The following FEZF2 variants were observed in gnomAD, a reference collection of about 807,000 sequenced individuals.
The protein encoded by FEZF2 is fez family zinc finger protein 2.
FEZF2 carries 2 observed loss-of-function variants against 32.8 expected under a neutral mutation model. The observed-to-expected ratio is 0.06, with a 90% CI of 0.02 to 0.19. FEZF2 has a LOEUF of 0.19. Among genes scored for constraint, FEZF2 ranks in the 10% least tolerant of loss-of-function variants. FEZF2 has a pLI of 1.00. For synonymous variants in FEZF2, 322 were observed against 284.8 expected (o/e 1.13, Z -1.32); for missense variants, 516 against 625.4 (o/e 0.83, Z 1.87).
intron 2 of FEZF2, 60 bp from the exon 3 acceptor site, chr3:62,371,727 G>T: frequency 1.9e-6 from 3 of 1,551,378 alleles, no homozygotes; most frequent in Non-Finnish European, 2.6e-6. Flanking sequence ...AATCAGCCCC[G>T]GGGGGGCCAC....
Position 62,372,255 on chromosome 3 carries a change from G to T in FEZF2, c.614C>A (p.Ala205Asp). Residue 205 changes from alanine to aspartate, a missense_variant, in exon 2 of 5, where the codon GCT becomes GAT. Ala to Asp is a moderately radical substitution (Grantham distance 126, BLOSUM62 -2). This residue lies in a region of FEZF2 where 408 missense variants were observed against 382.2 expected (regional missense o/e 1.07). Coordinates refer to ENST00000283268, the MANE Select transcript of FEZF2 (RefSeq NM_018008.4). This position sits in a 1 kb window ranked among gnomAD's most constrained non-coding sequence, Gnocchi z 9.6. ...LLNAQAPAALAAHPKLFLLEN... is the reference protein window; with the variant it reads ...LLNAQAPAALDAHPKLFLLEN... ...CAGCAGAAAGAGCTTGGGGTGAGCA[G>T]CCAGGGCGGCGGGGGCCTGCGCATT... The T allele has an allele frequency of 6.3e-7, 1 of 1,584,320 alleles. No individual in the cohort carries two copies.
In FEZF2 at chr3:62,372,294, G is replaced by T. The variant is rs1228715287; in HGVS notation, c.575C>A (p.Pro192Gln). 6.2e-7 allele frequency: 1 copy of T among 1,604,750 alleles called. No individual in the cohort carries two copies. The highest frequency in any genetic ancestry group is 1.7e-5 in the Admixed American group (1 of 59,090). Reference sequence around the variant, plus strand: ...GGCCTGCGCATTGAGGAGGCCAGACGGGAAGAGGTGGCCGCTGAGGAGCTC... The same window carrying T: ...GGCCTGCGCATTGAGGAGGCCAGACTGGAAGAGGTGGCCGCTGAGGAGCTC... ...PSELLSGHLF[P>Q]SGLLNAQAPA... The change falls in exon 2 of 5, where the codon CCG becomes CAG. Residue 192 changes from proline (P) to glutamine (Q), a missense_variant. Pro to Gln is a moderately conservative substitution (Grantham distance 76). Around this residue, in one of 3 missense-constraint regions of FEZF2, gnomAD observed 408 missense variants for 382.2 expected, o/e 1.07. Transcript: ENST00000283268. This position sits in a 1 kb window ranked among gnomAD's most constrained non-coding sequence, Gnocchi z 9.6.
Position 62,370,479 on chromosome 3 carries a change from TGAA to T in FEZF2, c.1121-140_1121-138del. The T allele has an allele frequency of 1.2e-6, 1 of 847,142 alleles. No homozygotes were observed. Among genetic ancestry groups the T allele is most frequent in the Non-Finnish European group, 1.9e-6 (1 of 538,788 alleles). 52.5% of individuals were successfully genotyped at this position (847,142 alleles called of 1,614,324 possible). Reference sequence around the variant, plus strand: ...GCTAGGCGGGCGCGACCTCTTCGAGTGAAGAAGTTGTCAAACTTCGTAAGCGTC... The same window carrying T: ...GCTAGGCGGGCGCGACCTCTTCGAGTGAAGTTGTCAAACTTCGTAAGCGTC... On this transcript the variant is annotated intron_variant, in intron 4 of 4. Coordinates refer to ENST00000283268, the MANE Select transcript of FEZF2 (RefSeq NM_018008.4). This position sits in a 1 kb window ranked among gnomAD's most constrained non-coding sequence, Gnocchi z 4.2.
rs1429930107 is a variant in FEZF2, at chr3:62,369,796, A to G, written c.*287T>C. 1 of 382,342 alleles carries G rather than the reference A, an allele frequency of 2.6e-6. No individual in the cohort carries two copies. Among genetic ancestry groups the G allele is most frequent in the African/African-American group, 2.0e-5 (1 of 49,314 alleles). 23.7% of individuals were successfully genotyped at this position (382,342 alleles called of 1,614,324 possible). On this transcript the variant is annotated 3_prime_UTR_variant, in exon 5 of 5. Coordinates refer to ENST00000283268, the MANE Select transcript of FEZF2 (RefSeq NM_018008.4). This position sits in a 1 kb window ranked among gnomAD's most constrained non-coding sequence, Gnocchi z 4.2. The stretch of plus-strand genomic sequence containing the variant: ...GCTCTTCTGGGGCGCTCACGGTGAC[A>G]GGCTGGGGTTAAAACTGGCTGCCCC...
In FEZF2 at chr3:62,372,335, G is replaced by A; in HGVS notation, c.534C>T (p.Thr178=). Residue 178 remains threonine, a synonymous_variant, in exon 2 of 5, where the codon ACC becomes ACT. Transcript: ENST00000283268. This position sits in a 1 kb window ranked among gnomAD's most constrained non-coding sequence, Gnocchi z 9.6. ...TGAGGAGCTCAGACGGCGGGTACGC[G>A]GTCGAGTCCAGGTAGTTGAAGTAGT... ...SLYYFNYLDS[T]AYPPSELLSG... is the part of the protein sequence containing the mutation. 2 of 1,610,332 alleles carry A rather than the reference G, an allele frequency of 1.2e-6. No individual in the cohort carries two copies. The highest frequency in any genetic ancestry group is 1.3e-5 in the African/African-American group (1 of 75,038).
At position 62,372,524 on chromosome 3, in the gene FEZF2, GCCGCCGCCGCCGCCA is replaced by G. The variant is rs752755859; in HGVS notation, c.330_344del (p.Gly113_Gly117del). The G allele has an allele frequency of 1.4e-3, 1,778 of 1,260,506 alleles. 131 individuals are homozygous for G. The highest frequency in any genetic ancestry group is 2.6e-3 in the South Asian group (76 of 28,990). The allele number at this position is 1,260,506 out of a possible 1,614,324, so 78.1% of individuals were successfully genotyped here. A position where few individuals can be genotyped will look rare whatever the true frequency, so the allele number is the denominator to read the frequency against. On this transcript the variant is annotated inframe_deletion, in exon 2 of 5. Coordinates refer to ENST00000283268, the MANE Select transcript of FEZF2 (RefSeq NM_018008.4). This position sits in a 1 kb window ranked among gnomAD's most constrained non-coding sequence, Gnocchi z 9.6. ...TGGCGCCGCACACTGGGGCCCCCCC[GCCGCCGCCGCCGCCA>G]CCGCCGCCGCCGCCTCCGCCGCCGC...
Position 62,371,106 on chromosome 3 carries a change from G to A in FEZF2, c.1120+111C>T, listed in dbSNP as rs1576275183. 1.2e-5 allele frequency: 18 copies of A among 1,496,700 alleles called. No homozygotes were observed. In the South Asian group the frequency reaches 1.8e-4, roughly 15 times the overall value. 92.7% of individuals were successfully genotyped at this position (1,496,700 alleles called of 1,614,324 possible). A position where few individuals can be genotyped will look rare whatever the true frequency, so the allele number is the denominator to read the frequency against. On this transcript the variant is annotated intron_variant, in intron 4 of 4. Coordinates refer to ENST00000283268, the MANE Select transcript of FEZF2 (RefSeq NM_018008.4). Reference sequence around the variant, plus strand: ...GATTCTAAAGAAATGCTGCGCCCGCGCCTGCAGATTTCGCCTTCTCTCTCC... The same window carrying A: ...GATTCTAAAGAAATGCTGCGCCCGCACCTGCAGATTTCGCCTTCTCTCTCC...
chr3:62,370,003 T>G lies in FEZF2; in HGVS notation c.*80A>C. The G allele has an allele frequency of 1.4e-6, 2 of 1,459,398 alleles. No homozygotes were observed. Among genetic ancestry groups the G allele is most frequent in the Non-Finnish European group, 1.8e-6 (2 of 1,094,460 alleles). The allele number at this position is 1,459,398 out of a possible 1,614,324, so 90.4% of individuals were successfully genotyped here. ...CCTCTCTGCTATAGTTTTTTTTTCTTTTAATTTTAGAAATAAGTTTATATG... is the reference window on the plus strand; with the variant it reads ...CCTCTCTGCTATAGTTTTTTTTTCTGTTAATTTTAGAAATAAGTTTATATG... On this transcript the variant is annotated 3_prime_UTR_variant, in exon 5 of 5. Transcript: ENST00000283268. The surrounding 1 kb of genome is among the most constrained non-coding windows in gnomAD (Gnocchi z 4.2).
At position 62,372,280 on chromosome 3, in the gene FEZF2, T is replaced by G; in HGVS notation, c.589A>C (p.Asn197His). 1.3e-6 allele frequency: 2 copies of G among 1,598,988 alleles called. No homozygotes were observed. The highest frequency in any genetic ancestry group is 1.7e-6 in the Non-Finnish European group (2 of 1,173,280). Residue 197 changes from asparagine (N) to histidine (H), a missense_variant, in exon 2 of 5, where the codon AAT becomes CAT. Physicochemically the swap from Asn to His is moderately conservative, Grantham distance 68. Transcript: ENST00000283268. The surrounding 1 kb of genome is among the most constrained non-coding windows in gnomAD (Gnocchi z 9.6). ...GCCAGGGCGGCGGGGGCCTGCGCAT[T>G]GAGGAGGCCAGACGGGAAGAGGTGG... Reference protein sequence around the residue: ...SGHLFPSGLLNAQAPAALAAH... With the variant: ...SGHLFPSGLLHAQAPAALAAH...
chr3:62,371,844 A>G (rs936547548), intron 2 of FEZF2, among the ~76,000 whole-genome samples, 173 bp downstream of exon 2: 1 of 152,246 alleles, frequency 6.6e-6, no homozygotes, highest in Admixed American at 6.5e-5. Flanking sequence ...GCCGCTGACA[A>G]GGGCATCCCC....
Position 62,372,100 on chromosome 3 carries a change from C to G in FEZF2, c.769G>C (p.Gly257Arg). Residue 257 changes from glycine to arginine, a missense_variant, in exon 2 of 5, where the codon GGA becomes CGA. Gly to Arg is a moderately radical substitution (Grantham distance 125). Transcript: ENST00000283268. The surrounding 1 kb of genome is among the most constrained non-coding windows in gnomAD (Gnocchi z 9.6). ...AGCTTGCTGTGGCCCTTGACGCCTCCGCGCTCGGCAGTCAGGGCCGAGTTT... is the reference window on the plus strand; with the variant it reads ...AGCTTGCTGTGGCCCTTGACGCCTCGGCGCTCGGCAGTCAGGGCCGAGTTT... ...KENSALTAER[G>R]GVKGHSKLPG... 1 of 1,605,692 alleles carries G rather than the reference C, an allele frequency of 6.2e-7. No homozygotes were observed. The highest frequency in any genetic ancestry group is 8.5e-7 in the Non-Finnish European group (1 of 1,176,852).
intron 4 of FEZF2, among the ~76,000 whole-genome samples, chr3:62,371,004 C>G (rs1431803050): frequency 1.3e-5 from 2 of 152,228 alleles, no homozygotes; most frequent in African/African-American, 4.8e-5. Context: ...TTCGGAGTCT[C>G]TCAGTGCACC....
Position 62,372,532 on chromosome 3 carries a change from C to A in FEZF2, c.337G>T (p.Gly113Cys). 7.7e-7 allele frequency: 1 copy of A among 1,304,360 alleles called. No homozygotes were observed. Among genetic ancestry groups the A allele is most frequent in the Non-Finnish European group, 9.7e-7 (1 of 1,026,852 alleles). The allele number at this position is 1,304,360 out of a possible 1,614,324, so 80.8% of individuals were successfully genotyped here. A position where few individuals can be genotyped will look rare whatever the true frequency, so the allele number is the denominator to read the frequency against. The change falls in exon 2 of 5, where the codon GGC becomes TGC. Residue 113 changes from glycine to cysteine, a missense_variant. By Grantham distance (159) the Gly-to-Cys change is radical. Transcript: ENST00000283268. This position sits in a 1 kb window ranked among gnomAD's most constrained non-coding sequence, Gnocchi z 9.6. ...CACACTGGGGCCCCCCCGCCGCCGC[C>A]GCCGCCACCGCCGCCGCCGCCTCCG... Reference protein sequence around the residue: ...GGGGGGGGGGGGGGGAPVCGA... With the variant: ...GGGGGGGGGGCGGGGAPVCGA...
chr3:62,369,991 G>T lies in FEZF2; in HGVS notation c.*92C>A. The T allele has an allele frequency of 7.4e-7, 1 of 1,342,882 alleles. No individual in the cohort carries two copies. Among genetic ancestry groups the T allele is most frequent in the Non-Finnish European group, 1.0e-6 (1 of 1,002,816 alleles). 83.2% of individuals were successfully genotyped at this position (1,342,882 alleles called of 1,614,324 possible). A position where few individuals can be genotyped will look rare whatever the true frequency, so the allele number is the denominator to read the frequency against. On this transcript the variant is annotated 3_prime_UTR_variant, in exon 5 of 5. Transcript: ENST00000283268. The surrounding 1 kb of genome is among the most constrained non-coding windows in gnomAD (Gnocchi z 4.2). ...AATAGATTTTAGCCTCTCTGCTATA[G>T]TTTTTTTTTCTTTTAATTTTAGAAA... is the stretch of plus-strand genomic sequence containing the variant.
Position 62,371,514 on chromosome 3 carries a change from C to A in FEZF2, c.987+19G>T, listed in dbSNP as rs1453965305. On this transcript the variant is annotated intron_variant, in intron 3 of 4. Coordinates refer to ENST00000283268, the MANE Select transcript of FEZF2 (RefSeq NM_018008.4). ...CTGGGGGTTGCGCGCGGGCTAGGCCCGACCCGGGGGCCACGTACCTGGGTG... is the reference window on the plus strand; with the variant it reads ...CTGGGGGTTGCGCGCGGGCTAGGCCAGACCCGGGGGCCACGTACCTGGGTG... 13 of 1,604,792 alleles carry A rather than the reference C, an allele frequency of 8.1e-6. No individual in the cohort carries two copies. The highest frequency in any genetic ancestry group is 1.7e-4 in the Middle Eastern group (1 of 6,016).
In FEZF2 at chr3:62,372,151, C is replaced by G; in HGVS notation, c.718G>C (p.Ala240Pro). 6.3e-7 allele frequency: 1 copy of G among 1,590,458 alleles called. No individual in the cohort carries two copies. Among genetic ancestry groups the G allele is most frequent in the Non-Finnish European group, 8.6e-7 (1 of 1,167,816 alleles). ...APYPHKERLPAPLEQVLKENS... is the reference protein window; with the variant it reads ...APYPHKERLPPPLEQVLKENS... ...TCCTTCAGTACCTGCTCCAGCGGCG[C>G]CGGCAAGCGCTCCTTATGGGGATAG... is the stretch of plus-strand genomic sequence containing the variant. Residue 240 changes from alanine to proline, a missense_variant, in exon 2 of 5, where the codon GCG becomes CCG. Around this residue, in one of 3 missense-constraint regions of FEZF2, gnomAD observed 408 missense variants for 382.2 expected, o/e 1.07. Transcript: ENST00000283268. This position sits in a 1 kb window ranked among gnomAD's most constrained non-coding sequence, Gnocchi z 9.6.
In FEZF2 at chr3:62,372,338, C is replaced by A. The variant is rs1028239809; in HGVS notation, c.531G>T (p.Ser177=). The A allele has an allele frequency of 1.2e-6, 2 of 1,610,272 alleles. No individual in the cohort carries two copies. The highest frequency in any genetic ancestry group is 1.7e-6 in the Non-Finnish European group (2 of 1,179,536). The change falls in exon 2 of 5, where the codon TCG becomes TCT. Residue 177 remains serine, a synonymous_variant. Transcript: ENST00000283268. This position sits in a 1 kb window ranked among gnomAD's most constrained non-coding sequence, Gnocchi z 9.6. Reference sequence around the variant, plus strand: ...GGAGCTCAGACGGCGGGTACGCGGTCGAGTCCAGGTAGTTGAAGTAGTAGA... The same window carrying A: ...GGAGCTCAGACGGCGGGTACGCGGTAGAGTCCAGGTAGTTGAAGTAGTAGA... ...GSLYYFNYLD[S]TAYPPSELLS...
At chr3:62,371,126 C>T in intron 4 of FEZF2, 91 bp downstream of exon 4, 9 of 1,592,590 alleles carry the variant, frequency 5.7e-6, no homozygotes, top group Non-Finnish European at 7.7e-6. Flanking sequence ...TTCGCCTTCT[C>T]TCTCCAGATC....
chr3:62,369,836 CCT>C lies in FEZF2; in HGVS notation c.*245_*246del, dbSNP rs1559834635. 1 of 465,506 alleles carries C rather than the reference CCT, an allele frequency of 2.1e-6. No homozygotes were observed. Among genetic ancestry groups the C allele is most frequent in the African/African-American group, 2.0e-5 (1 of 51,274 alleles). The allele number at this position is 465,506 out of a possible 1,614,324, so 28.8% of individuals were successfully genotyped here. ...CTGGCTGCCCCAGGAGAAGCGGAGG[CCT>C]GGAATTAAATACGTTTCGGCGCACT... On this transcript the variant is annotated 3_prime_UTR_variant, in exon 5 of 5. Transcript: ENST00000283268. This position sits in a 1 kb window ranked among gnomAD's most constrained non-coding sequence, Gnocchi z 4.2.
Sources: allele counts gnomAD v4.1 joint callset (sites outside exome capture counted in the v4.1 genomes callset), GRCh38; gene constraint gnomAD v4.1.1; regional missense constraint gnomAD v4.1.1; non-coding constraint Gnocchi (gnomAD v3.1); transcripts MANE v1.5; gene names NCBI Gene and HGNC (gene_info 2026-07-23, HGNC 2026-07-21).